HEMK1: variants seen among roughly 807,000 people sequenced by gnomAD.
HEMK1 encodes the protein MTRF1L release factor glutamine methyltransferase.
In HEMK1, 36 loss-of-function variants were observed where a neutral mutation model predicts 47.9. The observed-to-expected ratio is 0.75, with a 90% CI of 0.58 to 0.99. HEMK1 has a LOEUF of 0.99. Among genes scored for constraint, HEMK1 ranks in the 50% least tolerant of loss-of-function variants. HEMK1 has a pLI of 0.00. For missense variants in HEMK1, 383 were observed against 434.5 expected, an observed-to-expected ratio of 0.88 and a Z score of 1.05; for synonymous variants, 153 against 165.4, an observed-to-expected ratio of 0.93 and a Z score of 0.57.
rs1438398284 is a variant in HEMK1 at position 50,587,557 on chromosome 3, A to G, written c.*7140A>G. The G allele has an allele frequency of 1.3e-5, 2 of 152,292 alleles. No homozygotes were observed. The highest frequency in any genetic ancestry group is 2.9e-5 in the Non-Finnish European group (2 of 68,126). 9.4% of individuals were successfully genotyped at this position (152,292 alleles called of 1,614,324 possible). A position where few individuals can be genotyped will look rare whatever the true frequency, so the allele number is the denominator to read the frequency against. On this transcript the variant is annotated 3_prime_UTR_variant, in exon 11 of 11. Transcript: ENST00000232854. This position sits in a 1 kb window ranked among gnomAD's most constrained non-coding sequence, Gnocchi z 4.2. ...TTCTGGCATAGGCTGAGTGACCTGGAGCTGGAGGCCTTAGTCATCACACCA... is the reference window on the plus strand; with the variant it reads ...TTCTGGCATAGGCTGAGTGACCTGGGGCTGGAGGCCTTAGTCATCACACCA...
At position 50,577,290 on chromosome 3, in the gene HEMK1, A is replaced by C. The variant is rs553805650; in HGVS notation, c.549+104A>C. 5.1e-6 allele frequency: 7 copies of C among 1,374,806 alleles called. No homozygotes were observed. The South Asian group carries it at 9.0e-5, about 18-fold the overall frequency. The allele number at this position is 1,374,806 out of a possible 1,614,324, so 85.2% of individuals were successfully genotyped here. ...CTGCTAGGAGCGCTTGAGGGGAAGC[A>C]GCTGGATGAGGGAGGACAGGGCTGC... On this transcript the variant is annotated intron_variant, in intron 5 of 10. Coordinates refer to ENST00000232854, the MANE Select transcript of HEMK1 (RefSeq NM_016173.5).
chr3:50,571,581 C>A lies in HEMK1; in HGVS notation c.229-129C>A, dbSNP rs367598575. 3.0e-5 allele frequency: 27 copies of A among 898,006 alleles called. No homozygotes were observed. In the East Asian group the frequency reaches 5.8e-4, roughly 19 times the overall value. 55.6% of individuals were successfully genotyped at this position (898,006 alleles called of 1,614,324 possible). On this transcript the variant is annotated intron_variant, in intron 2 of 10. Transcript: ENST00000232854. ...TGTAACCTTAGGCAGGATGCTGCCC[C>A]CTCTGGGCCCAGATGATGAGAGGGT...
rs665943 is a variant in HEMK1 at position 50,582,475 on chromosome 3, G to C, written c.*2058G>C. ...TTCAATCCCAGAATCTGCCCCTCAC[G>C]AGGATGTGACCTTGGGCAGATGACT... is the stretch of plus-strand genomic sequence containing the variant. On this transcript the variant is annotated 3_prime_UTR_variant, in exon 11 of 11. Transcript: ENST00000232854. 142,187 of 152,354 alleles carry C rather than the reference G, an allele frequency of 0.93. 67,184 individuals carry two copies. Among genetic ancestry groups the C allele is most frequent in the East Asian group, 1 (5,168 of 5,168 alleles). The allele number at this position is 152,354 out of a possible 1,614,324, so 9.4% of individuals were successfully genotyped here. A position where few individuals can be genotyped will look rare whatever the true frequency, so the allele number is the denominator to read the frequency against.
rs935343626 is a variant in HEMK1 at position 50,594,103 on chromosome 3, A to T, written c.*13686A>T. 6.6e-6 allele frequency: 1 copy of T among 152,184 alleles called. No individual in the cohort carries two copies. Among genetic ancestry groups the T allele is most frequent in the African/African-American group, 2.4e-5 (1 of 41,438 alleles). The allele number at this position is 152,184 out of a possible 1,614,324, so 9.4% of individuals were successfully genotyped here. A position where few individuals can be genotyped will look rare whatever the true frequency, so the allele number is the denominator to read the frequency against. On this transcript the variant is annotated 3_prime_UTR_variant, in exon 11 of 11. Transcript: ENST00000232854. ...GCTTGGCTGAGACCTTCAATACAAT[A>T]TTGAAAAACTGTAACGACTAGAGCA...
In HEMK1 at chr3:50,581,530, C is replaced by T. The variant is rs1374833532; in HGVS notation, c.*1113C>T. Reference sequence around the variant, plus strand: ...TCCAGGGCTGTGTCCTGCAGTGGGACCTTGGGCAACTCCTTTCCCTATGAG... The same window carrying T: ...TCCAGGGCTGTGTCCTGCAGTGGGATCTTGGGCAACTCCTTTCCCTATGAG... On this transcript the variant is annotated 3_prime_UTR_variant, in exon 11 of 11. Coordinates refer to ENST00000232854, the MANE Select transcript of HEMK1 (RefSeq NM_016173.5). The T allele has an allele frequency of 1.3e-5, 2 of 152,300 alleles. No homozygotes were observed. Among genetic ancestry groups the T allele is most frequent in the Non-Finnish European group, 2.9e-5 (2 of 68,096 alleles). 9.4% of individuals were successfully genotyped at this position (152,300 alleles called of 1,614,324 possible).
Position 50,587,491 on chromosome 3 carries a change from CTG to C in HEMK1, c.*7075_*7076del, listed in dbSNP as rs1390182920. On this transcript the variant is annotated 3_prime_UTR_variant, in exon 11 of 11. Coordinates refer to ENST00000232854, the MANE Select transcript of HEMK1 (RefSeq NM_016173.5). The surrounding 1 kb of genome is among the most constrained non-coding windows in gnomAD (Gnocchi z 4.2). ...CTCGTTATACTGACGAAGAAACAAA[CTG>C]GGGCTAAGAAACTTGCTCATAGGCT... 1.3e-5 allele frequency: 2 copies of C among 152,378 alleles called. No homozygotes were observed. The highest frequency in any genetic ancestry group is 2.9e-5 in the Non-Finnish European group (2 of 68,078). The allele number at this position is 152,378 out of a possible 1,614,324, so 9.4% of individuals were successfully genotyped here. A position where few individuals can be genotyped will look rare whatever the true frequency, so the allele number is the denominator to read the frequency against.
Position 50,586,648 on chromosome 3 carries a change from T to C in HEMK1, c.*6231T>C, listed in dbSNP as rs965098360. ...TCCCCTACTGAGCCCAGGGAGCAGA[T>C]TGTTGGTGCCTGAAGCGCTCACAGA... On this transcript the variant is annotated 3_prime_UTR_variant, in exon 11 of 11. Transcript: ENST00000232854. 2.6e-5 allele frequency: 4 copies of C among 152,206 alleles called. No homozygotes were observed. The highest frequency in any genetic ancestry group is 2.1e-4 in the South Asian group (1 of 4,812). 9.4% of individuals were successfully genotyped at this position (152,206 alleles called of 1,614,324 possible). A position where few individuals can be genotyped will look rare whatever the true frequency, so the allele number is the denominator to read the frequency against.
chr3:50,580,807 G>T lies in HEMK1; in HGVS notation c.*390G>T. The T allele has an allele frequency of 3.3e-6, 1 of 299,062 alleles. No individual in the cohort carries two copies. Among genetic ancestry groups the T allele is most frequent in the Non-Finnish European group, 6.4e-6 (1 of 156,320 alleles). 18.5% of individuals were successfully genotyped at this position (299,062 alleles called of 1,614,324 possible). On this transcript the variant is annotated 3_prime_UTR_variant, in exon 11 of 11. Transcript: ENST00000232854. Reference sequence around the variant, plus strand: ...GTCCCCTGCTTGGTAGTGGTGTGGGGGTGCAGTGTGGAGGAAGGCACGTGA... The same window carrying T: ...GTCCCCTGCTTGGTAGTGGTGTGGGTGTGCAGTGTGGAGGAAGGCACGTGA...
chr3:50,577,905 G>C (rs753177595), intron 7 of HEMK1, 30 bp downstream of exon 7: 1 of 1,608,154 alleles, frequency 6.2e-7, no homozygotes, highest in South Asian at 1.1e-5. Flanking sequence ...CCTTGAGAGA[G>C]GGAGACTAGA....
chr3:50,590,806 A>C lies in HEMK1; in HGVS notation c.*10389A>C, dbSNP rs1286680709. On this transcript the variant is annotated 3_prime_UTR_variant, in exon 11 of 11. Coordinates refer to ENST00000232854, the MANE Select transcript of HEMK1 (RefSeq NM_016173.5). ...GTGTGGTTGCCCCAAGTACTCCATG[A>C]GTAGACATGGGCTAGGGACTTACCC... 1.3e-5 allele frequency: 2 copies of C among 152,200 alleles called. No individual in the cohort carries two copies. The highest frequency in any genetic ancestry group is 4.8e-5 in the African/African-American group (2 of 41,452). The allele number at this position is 152,200 out of a possible 1,614,324, so 9.4% of individuals were successfully genotyped here. A position where few individuals can be genotyped will look rare whatever the true frequency, so the allele number is the denominator to read the frequency against.
In HEMK1 at chr3:50,577,519, T is replaced by C; in HGVS notation, c.560T>C (p.Ile187Thr). Residue 187 changes from isoleucine (I) to threonine (T), a missense_variant, in exon 6 of 11, where the codon ATT becomes ACT. Ile to Thr is a moderately conservative substitution (Grantham distance 89). Coordinates refer to ENST00000232854, the MANE Select transcript of HEMK1 (RefSeq NM_016173.5). ...TTGTTCTTGGGACAGAGCCGAGTCA[T>C]TGCTGTGGATAAGCGGGAAGCTGCT... ...LLSQLPQSRV[I>T]AVDKREAAIS... 1 of 1,614,132 alleles carries C rather than the reference T, an allele frequency of 6.2e-7. No homozygotes were observed. Among genetic ancestry groups the C allele is most frequent in the Non-Finnish European group, 8.5e-7 (1 of 1,179,980 alleles).
chr3:50,578,666 G>C (rs2030205337), intron 7 of HEMK1, among the ~76,000 whole-genome samples, 155 bp from the exon 8 acceptor site: 1 of 152,222 alleles, frequency 6.6e-6, no homozygotes, highest in Non-Finnish European at 1.5e-5. Context: ...CTGCCAGCTG[G>C]GGACCCTGGG....
rs890848583 is a variant in HEMK1, at chr3:50,586,864, TG to T, written c.*6449del. 6.6e-6 allele frequency: 1 copy of T among 152,072 alleles called. No homozygotes were observed. Among genetic ancestry groups the T allele is most frequent in the African/African-American group, 2.4e-5 (1 of 41,376 alleles). 9.4% of individuals were successfully genotyped at this position (152,072 alleles called of 1,614,324 possible). ...GGCGTCCAAGTCCCTCTGCTGTTCC[TG>T]GAAGTCAGTGTGAGGCTGAGCTACG... On this transcript the variant is annotated 3_prime_UTR_variant, in exon 11 of 11. Transcript: ENST00000232854.
intron 2 of HEMK1, 136 bp from the exon 3 acceptor site, chr3:50,571,574 G>A: frequency 1.2e-6 from 1 of 850,814 alleles, no homozygotes; most frequent in Non-Finnish European, 2.0e-6. Context: ...TAGGCAGGAT[G>A]CTGCCCCCTC....
intron 4 of HEMK1, among the ~76,000 whole-genome samples, chr3:50,575,189 G>A (rs1160940289): frequency 6.6e-6 from 1 of 152,148 alleles, no homozygotes; most frequent in Non-Finnish European, 1.5e-5. Flanking sequence ...TTGGGAGGCT[G>A]AGGCGGGTAG....
chr3:50,577,116 G>T lies in HEMK1; in HGVS notation c.479G>T (p.Ser160Ile). Reference sequence around the variant, plus strand: ...TCCCATGCTGTGGGATCCCCAGGCAGCCCCCTCATTCTGGAGGTGGGCTGC... The same window carrying T: ...TCCCATGCTGTGGGATCCCCAGGCATCCCCCTCATTCTGGAGGTGGGCTGC... ...QRSHAVGSPGSPLILEVGCGS... is the reference protein window; with the variant it reads ...QRSHAVGSPGIPLILEVGCGS... Residue 160 changes from serine to isoleucine, a missense_variant, in exon 5 of 11, where the codon AGC (serine) becomes ATC (isoleucine). Physicochemically the swap from Ser to Ile is moderately radical, Grantham distance 142. Transcript: ENST00000232854. 2 of 1,613,808 alleles carry T rather than the reference G, an allele frequency of 1.2e-6. No homozygotes were observed. Among genetic ancestry groups the T allele is most frequent in the Non-Finnish European group, 1.7e-6 (2 of 1,179,928 alleles).
At chr3:50,577,442 A>G in intron 5 of HEMK1, 67 bp from the exon 6 acceptor site, 4 of 1,495,320 alleles carry the variant, frequency 2.7e-6, no homozygotes, top group Non-Finnish European at 3.7e-6. Context: ...AGGGTCCCCC[A>G]GGCCCAGTAT....
rs1256592590 is a variant in HEMK1 at position 50,585,082 on chromosome 3, C to A, written c.*4665C>A. ...ACTGAAAGACTGACCAGCATGGGTC[C>A]CAGAAGGGAGTGGGTGAGGAATGGG... is the stretch of plus-strand genomic sequence containing the variant. On this transcript the variant is annotated 3_prime_UTR_variant, in exon 11 of 11. Transcript: ENST00000232854. 2 of 152,228 alleles carry A rather than the reference C, an allele frequency of 1.3e-5. No homozygotes were observed. Among genetic ancestry groups the A allele is most frequent in the African/African-American group, 4.8e-5 (2 of 41,428 alleles). The allele number at this position is 152,228 out of a possible 1,614,324, so 9.4% of individuals were successfully genotyped here.
chr3:50,575,422 C>CA (rs35905380), intron 4 of HEMK1, among the ~76,000 whole-genome samples: 7,107 of 138,982 alleles, frequency 0.051, 750 homozygotes, highest in East Asian at 0.34. Flanking sequence ...AACTCTGTCT[C>CA]AAAAAAAAAA....
Sources: allele counts gnomAD v4.1 joint callset (sites outside exome capture counted in the v4.1 genomes callset), GRCh38; gene constraint gnomAD v4.1.1; non-coding constraint Gnocchi (gnomAD v3.1); transcripts MANE v1.5; gene names NCBI Gene and HGNC (gene_info 2026-07-23, HGNC 2026-07-21).